Variants in ARHGEF18 observed in about 807,000 individuals in gnomAD.
ARHGEF18 encodes the protein Rho/Rac guanine nucleotide exchange factor 18.
ARHGEF18 carries 93 observed loss-of-function variants against 155.7 expected under a neutral mutation model. The ratio of observed to expected loss-of-function variants is 0.60; its 90% confidence interval spans 0.50 to 0.71. The LOEUF (loss-of-function observed/expected upper bound fraction) is 0.71, where lower values mean the gene tolerates loss of function less well. Among genes scored for constraint, ARHGEF18 ranks in the 30% least tolerant of loss-of-function variants. The pLI is 0.00. For synonymous variants in ARHGEF18, 742 were observed against 753.1 expected (o/e 0.99, Z 0.24); for missense variants, 1,593 against 1,816.1 (o/e 0.88, Z 2.23).
At chr19:7,442,710 T>A (rs1974740029) in intron 13 of ARHGEF18, among the ~76,000 whole-genome samples, 1 of 152,218 alleles carries the variant, frequency 6.6e-6, no homozygotes, top group South Asian at 2.1e-4. Flanking sequence ...GCAGCTCTCA[T>A]AGAACACCAT....
At position 7,375,649 on chromosome 19, in the gene ARHGEF18, C is replaced by T. The variant is rs528557745; in HGVS notation, c.276-71C>T. 1.5e-4 allele frequency: 183 copies of T among 1,229,082 alleles called. No individual in the cohort carries two copies. In the African/African-American group the frequency reaches 2.4e-3, roughly 16 times the overall value. The allele number at this position is 1,229,082 out of a possible 1,614,324, so 76.1% of individuals were successfully genotyped here. On this transcript the variant is annotated intron_variant, in intron 3 of 28. Transcript: ENST00000668164. ...CCCCTTGCATGTTCTTTCAAGCCCC[C>T]CTGGATGCCTGGGGCAGCAGCCAGG...
chr19:7,450,946 T>C (rs1975395309), intron 15 of ARHGEF18, among the ~76,000 whole-genome samples: 1 of 152,214 alleles, frequency 6.6e-6, no homozygotes, highest in Non-Finnish European at 1.5e-5. Flanking sequence ...GTTTCCGAGA[T>C]GTTAATGCGG....
intron 10 of ARHGEF18, among the ~76,000 whole-genome samples, chr19:7,386,454 AG>A (rs143721702): frequency 0.086 from 13,083 of 151,910 alleles, 805 homozygotes; most frequent in East Asian, 0.14. Flanking sequence ...CTCTAGTGGC[AG>A]GGTAGGAATG....
chr19:7,376,558 C>CTG, intron 4 of ARHGEF18, 85 bp from the exon 5 acceptor site: 1 of 801,204 alleles, frequency 1.2e-6, no homozygotes, highest in Admixed American at 4.3e-5. Flanking sequence ...GTGGCCCTGG[C>CTG]TGTGGGTTGG....
intron 23 of ARHGEF18, among the ~76,000 whole-genome samples, chr19:7,466,381 CAAAA>C (rs3030730): frequency 3.0e-5 from 3 of 98,542 alleles, no homozygotes; most frequent in Admixed American, 1.1e-4. Flanking sequence ...AACTCCATCT[CAAAA>C]AAAAAAAAAA....
intron 10 of ARHGEF18, among the ~76,000 whole-genome samples, chr19:7,411,936 A>G (rs1361932578): frequency 6.6e-6 from 1 of 152,078 alleles, no homozygotes; most frequent in African/African-American, 2.4e-5. Context: ...CTTCCTTCTT[A>G]AGGCTGAATA....
In ARHGEF18 at chr19:7,440,163, CTG is replaced by C. The variant is rs1468037422; in HGVS notation, c.968-179_968-178del. The C allele has an allele frequency of 6.4e-7, 1 of 1,551,482 alleles. No individual in the cohort carries two copies. The highest frequency in any genetic ancestry group is 8.7e-7 in the Non-Finnish European group (1 of 1,146,954). ...CAGCGCGCTCCCCGGCCGCCCCGAG[CTG>C]TCTTTTTACGGCTCTTTCCCCAGGA... On this transcript the variant is annotated intron_variant, in intron 10 of 28. Transcript: ENST00000668164. The surrounding 1 kb of genome is among the most constrained non-coding windows in gnomAD (Gnocchi z 5.4).
At chr19:7,368,333 G>A (rs888231493) in intron 2 of ARHGEF18, among the ~76,000 whole-genome samples, 3 of 152,100 alleles carry the variant, frequency 2.0e-5, no homozygotes, top group African/African-American at 7.2e-5. Context: ...TAGGGAACAG[G>A]AGCCTGGATT....
chr19:7,385,376 G>A (rs1970947362), intron 10 of ARHGEF18, among the ~76,000 whole-genome samples: 1 of 151,670 alleles, frequency 6.6e-6, no homozygotes, highest in Admixed American at 6.6e-5. Flanking sequence ...TCTGATTTGG[G>A]GTCACCCAAG....
At chr19:7,445,199 C>A (rs1391835555) in intron 14 of ARHGEF18, among the ~76,000 whole-genome samples, 1 of 152,126 alleles carries the variant, frequency 6.6e-6, no homozygotes, top group Non-Finnish European at 1.5e-5. Flanking sequence ...GTAATCCCAG[C>A]ACTTTGGGAG....
intron 2 of ARHGEF18, among the ~76,000 whole-genome samples, chr19:7,367,061 C>T (rs188145606): frequency 7.2e-5 from 11 of 152,148 alleles, no homozygotes; most frequent in South Asian, 2.1e-4. Context: ...GGCCCTGGCC[C>T]CCTGACTCCT....
chr19:7,464,712 C>A, intron 23 of ARHGEF18, 22 bp downstream of exon 23: 1 of 1,613,540 alleles, frequency 6.2e-7, no homozygotes. Flanking sequence ...TCCATTTGCT[C>A]GGTACAGTCT....
chr19:7,437,651 T>C (rs1038906750), intron 10 of ARHGEF18, among the ~76,000 whole-genome samples: 3 of 150,734 alleles, frequency 2.0e-5, no homozygotes, highest in Middle Eastern at 3.4e-3. Flanking sequence ...TTTTTTTTTC[T>C]TTTTTTTTGT....
downstream of ARHGEF18, among the ~76,000 whole-genome samples, chr19:7,474,299 T>C (rs1337265643): frequency 6.6e-6 from 1 of 151,672 alleles, no homozygotes; most frequent in Non-Finnish European, 1.5e-5. Flanking sequence ...GACTGCACGA[T>C]TGCACTCCAG....
intron 2 of ARHGEF18, among the ~76,000 whole-genome samples, chr19:7,365,595 GA>G (rs1460550097): frequency 6.6e-6 from 1 of 152,218 alleles, no homozygotes; most frequent in Admixed American, 6.5e-5. Context: ...GGCAATGGGG[GA>G]ACGGTGGGCT....
Position 7,444,478 on chromosome 19 carries a change from A to G in ARHGEF18, c.1611+24A>G. ...AGGTGGGTGCAGCCGTGTTCATCTC[A>G]ACAGTCTTCAAAGCCTCTGCCTTGT... On this transcript the variant is annotated intron_variant, in intron 14 of 28. Coordinates refer to ENST00000668164, the MANE Select transcript of ARHGEF18 (RefSeq NM_001367823.1). The surrounding 1 kb of genome is among the most constrained non-coding windows in gnomAD (Gnocchi z 4.7). 1 of 1,608,268 alleles carries G rather than the reference A, an allele frequency of 6.2e-7. No homozygotes were observed. Among genetic ancestry groups the G allele is most frequent in the Non-Finnish European group, 8.5e-7 (1 of 1,176,504 alleles).
At chr19:7,469,826 T>G (rs1976903835) in intron 27 of ARHGEF18, 78 bp from the exon 28 acceptor site, 1 of 1,550,278 alleles carries the variant, frequency 6.5e-7, no homozygotes, top group Non-Finnish European at 8.7e-7. Flanking sequence ...GCCAGGCCCC[T>G]CTGCTCTCGG....
chr19:7,458,426 G>C (rs542532955), intron 18 of ARHGEF18, 86 bp from the exon 19 acceptor site: 1 of 1,302,208 alleles, frequency 7.7e-7, no homozygotes, highest in Non-Finnish European at 1.1e-6. Flanking sequence ...CCCACTCTTA[G>C]TTCCCCTCAC....
chr19:7,444,520 T>C lies in ARHGEF18; in HGVS notation c.1611+66T>C. 2 of 1,572,606 alleles carry C rather than the reference T, an allele frequency of 1.3e-6. No individual in the cohort carries two copies. On this transcript the variant is annotated intron_variant, in intron 14 of 28. Coordinates refer to ENST00000668164, the MANE Select transcript of ARHGEF18 (RefSeq NM_001367823.1). This position sits in a 1 kb window ranked among gnomAD's most constrained non-coding sequence, Gnocchi z 4.7. ...CTGCCTTGTCTCTGTTCCTTTCTTC[T>C]TTTTTTCTGAGATAGGGTCTTGCCG...
Sources: allele counts gnomAD v4.1 joint callset (sites outside exome capture counted in the v4.1 genomes callset), GRCh38; gene constraint gnomAD v4.1.1; non-coding constraint Gnocchi (gnomAD v3.1); transcripts MANE v1.5; gene names NCBI Gene and HGNC (gene_info 2026-07-23, HGNC 2026-07-21).